The following ASIC2 variants were observed in gnomAD, a reference collection of about 807,000 sequenced individuals.
ASIC2 encodes the protein acid-sensing ion channel 2.
A neutral mutation model predicts 57.3 loss-of-function variants in ASIC2; 25 were observed. The ratio of observed to expected loss-of-function variants is 0.44; its 90% CI spans 0.32 to 0.61. ASIC2 has a LOEUF of 0.61. Ranked by LOEUF, ASIC2 falls within the 20% of genes least tolerant of loss-of-function variation. The probability of loss-of-function intolerance (pLI) is 0.06; values close to 1 mark genes in which losing one functional copy is unlikely to be tolerated. For missense variants in ASIC2, 641 were observed against 738.1 expected (o/e 0.87, Z 1.52); for synonymous variants, 319 against 307.5 (o/e 1.04, Z -0.39).
intron 1 of ASIC2, among the ~76,000 whole-genome samples, chr17:33,386,280 G>C (rs551580800): frequency 6.6e-6 from 1 of 152,096 alleles, no homozygotes; most frequent in Non-Finnish European, 1.5e-5. Context: ...TGTCCACTTT[G>C]CTTCTCCATG....
At chr17:34,049,766 C>CA (rs1334046282) in intron 1 of ASIC2, among the ~76,000 whole-genome samples, 9 of 152,322 alleles carry the variant, frequency 5.9e-5, no homozygotes, top group African/African-American at 2.2e-4. Context: ...TTTGAAACTT[C>CA]AAAACCCTTC....
At chr17:33,156,099 A>G (rs1210037151) in intron 1 of ASIC2, among the ~76,000 whole-genome samples, 2 of 151,776 alleles carry the variant, frequency 1.3e-5, no homozygotes, top group Non-Finnish European at 2.9e-5. Flanking sequence ...GAATTTCTCA[A>G]ACTTAGATAC....
intron 1 of ASIC2, chr17:33,828,068 G>A (rs1365625652): frequency 3.3e-5 from 5 of 152,106 alleles, no homozygotes; most frequent in Admixed American, 1.3e-4. Flanking sequence ...TCTTTTTTAT[G>A]GCTGCATGGT....
chr17:33,584,699 G>A (rs1015812417), intron 1 of ASIC2, among the ~76,000 whole-genome samples: 2 of 151,062 alleles, frequency 1.3e-5, no homozygotes, highest in Non-Finnish European at 1.5e-5. Flanking sequence ...CTTGGGGTGG[G>A]GTTTGATGGG....
rs149952739 is a variant in ASIC2 at position 33,674,783 on chromosome 17, C to T, written c.555+481195G>A. ...GGCCTGAAAAAGAAGCAATGTTGCT[C>T]TCTTCTGCTCTCTGCCGGCCGAATG... On this transcript the variant is annotated intron_variant, in intron 1 of 9. Transcript: ENST00000359872. Among the ~76,000 whole-genome samples the T allele has an allele frequency of 6.5e-3, 996 of 152,310 alleles. 2 individuals are homozygous for T. The highest frequency in any genetic ancestry group is 0.014 in the Middle Eastern group (4 of 294).
intron 1 of ASIC2, among the ~76,000 whole-genome samples, chr17:33,576,098 TTCTC>T (rs1051100371): frequency 1.2e-4 from 18 of 152,182 alleles, no homozygotes; most frequent in Non-Finnish European, 2.2e-4. Context: ...CTCACTCACC[TTCTC>T]TCTACCTTTT....
chr17:33,239,353 TC>T (rs1297132540), intron 1 of ASIC2, among the ~76,000 whole-genome samples: 1 of 152,040 alleles, frequency 6.6e-6, no homozygotes, highest in Non-Finnish European at 1.5e-5. Context: ...AAAATTGTAA[TC>T]CCCCGGCCCC....
At chr17:33,249,385 C>T (rs1240410848) in intron 1 of ASIC2, among the ~76,000 whole-genome samples, 1 of 152,080 alleles carries the variant, frequency 6.6e-6, no homozygotes, top group Admixed American at 6.5e-5. Context: ...AATAGTGGAG[C>T]ATAGGCATGG....
intron 1 of ASIC2, among the ~76,000 whole-genome samples, chr17:33,605,014 T>C (rs1478938629): frequency 9.6e-6 from 1 of 104,180 alleles, no homozygotes; most frequent in Non-Finnish European, 2.3e-5. Context: ...ATTACTTCAT[T>C]CTCTCTCTCT....
At chr17:33,552,369 A>G (rs1567647798) in intron 1 of ASIC2, among the ~76,000 whole-genome samples, 1 of 152,228 alleles carries the variant, frequency 6.6e-6, no homozygotes, top group Non-Finnish European at 1.5e-5. Context: ...TCAAACTGAT[A>G]GAATCAATAC....
intron 8 of ASIC2, among the ~76,000 whole-genome samples, 159 bp from the exon 9 acceptor site, chr17:33,016,198 T>C (rs1339376239): frequency 1.3e-5 from 2 of 152,204 alleles, no homozygotes; most frequent in Non-Finnish European, 2.9e-5. Context: ...CAGGTGCCTG[T>C]CTGTCTCAAC....
Position 34,033,953 on chromosome 17 carries a change from T to C in ASIC2, c.555+122025A>G, listed in dbSNP as rs546400864. ...AGGTACAAAGAGGAGCTGATATCAC[T>C]CCTTCTGAAATTATTCCAATCAATA... On this transcript the variant is annotated intron_variant, in intron 1 of 9. Transcript: ENST00000359872. 2.6e-5 allele frequency among the ~76,000 whole-genome samples: 4 copies of C among 152,298 alleles called. No homozygotes were observed. In the East Asian group the frequency reaches 7.7e-4, roughly 29 times the overall value.
At chr17:34,151,068 A>C (rs1328611199) in intron 1 of ASIC2, among the ~76,000 whole-genome samples, 1 of 146,458 alleles carries the variant, frequency 6.8e-6, no homozygotes, top group Non-Finnish European at 1.5e-5. Context: ...GCACAACTGC[A>C]CTCCAGCCTG....
chr17:33,346,226 CAAAAAAAAAAAAAAAAA>C (rs57042563), intron 1 of ASIC2, among the ~76,000 whole-genome samples: 1 of 57,770 alleles, frequency 1.7e-5, no homozygotes, highest in Non-Finnish European at 2.9e-5. Context: ...GATTCCCTCT[CAAAAAAAAAAAAAAAAA>C]AAAAAAAAAA....
intron 1 of ASIC2, among the ~76,000 whole-genome samples, chr17:34,022,715 G>A (rs933363086): frequency 6.6e-6 from 1 of 151,684 alleles, no homozygotes; most frequent in African/African-American, 2.4e-5. Flanking sequence ...TGATCTTTTG[G>A]CATGAAGAAG....
intron 1 of ASIC2, among the ~76,000 whole-genome samples, chr17:33,897,685 A>G (rs184673329): frequency 3.9e-5 from 6 of 152,340 alleles, no homozygotes; most frequent in Admixed American, 3.3e-4. Flanking sequence ...TACTATTCCC[A>G]ACAATATTAC....
At chr17:33,393,380 G>T (rs1909967949) in intron 1 of ASIC2, among the ~76,000 whole-genome samples, 1 of 151,930 alleles carries the variant, frequency 6.6e-6, no homozygotes, top group South Asian at 2.1e-4. Flanking sequence ...TGTTTGGAAT[G>T]CTCTTCCTTC....
At chr17:33,610,072 A>ATG (rs1213911030) in intron 1 of ASIC2, among the ~76,000 whole-genome samples, 62 of 152,006 alleles carry the variant, frequency 4.1e-4, no homozygotes, top group African/African-American at 1.3e-3. Flanking sequence ...ACACACACAC[A>ATG]CACACACACA....
At chr17:33,804,880 G>T (rs1912226917) in intron 1 of ASIC2, among the ~76,000 whole-genome samples, 2 of 150,362 alleles carry the variant, frequency 1.3e-5, no homozygotes, top group Admixed American at 6.6e-5. Context: ...ATTTGTTTTT[G>T]ATCTCTCTTT....
Sources: allele counts gnomAD v4.1 joint callset (sites outside exome capture counted in the v4.1 genomes callset), GRCh38; gene constraint gnomAD v4.1.1; transcripts MANE v1.5; gene names NCBI Gene and HGNC (gene_info 2026-07-23, HGNC 2026-07-21).